LINGO2: variants seen among roughly 807,000 people sequenced by gnomAD.
LINGO2 encodes the protein leucine rich repeat and Ig domain containing 2.
Under a neutral mutation model 30.6 loss-of-function variants are expected in LINGO2, and 14 were observed. The observed-to-expected ratio is 0.46, with a 90% CI of 0.30 to 0.72. LINGO2 has a LOEUF of 0.72. Ranked by LOEUF, LINGO2 falls within the 30% of genes least tolerant of loss-of-function variation. The probability of loss-of-function intolerance (pLI) is 0.07; values close to 1 mark genes in which losing one functional copy is unlikely to be tolerated. For missense variants in LINGO2, 729 were observed against 751.7 expected (o/e 0.97, Z 0.35); for synonymous variants, 317 against 288.5 (o/e 1.10, Z -1.00).
intron 4 of LINGO2, among the ~76,000 whole-genome samples, chr9:28,094,617 T>C (rs910278547): frequency 6.6e-6 from 1 of 152,118 alleles, no homozygotes; most frequent in Admixed American, 6.6e-5. Flanking sequence ...ATTACAATGA[T>C]AGCATGCATT....
At chr9:29,161,350 C>T in the LINGO2 span, among the ~76,000 whole-genome samples, 1 of 152,196 alleles carries the variant, frequency 6.6e-6, no homozygotes, top group South Asian at 2.1e-4. Flanking sequence ...CACCCACTCC[C>T]CTTGGACCTC....
the LINGO2 span, among the ~76,000 whole-genome samples, chr9:29,175,844 T>C: frequency 6.6e-6 from 1 of 152,150 alleles, no homozygotes; most frequent in Non-Finnish European, 1.5e-5. Context: ...AATATTTTTT[T>C]AAAAAAGAGT....
the LINGO2 span, among the ~76,000 whole-genome samples, chr9:28,913,577 C>T: frequency 3.2e-4 from 49 of 152,072 alleles, no homozygotes; most frequent in African/African-American, 7.9e-4. Context: ...GTATAAAGAA[C>T]GCTTTAAAAT....
the LINGO2 span, among the ~76,000 whole-genome samples, chr9:29,143,124 A>G: frequency 7.2e-5 from 11 of 152,208 alleles, no homozygotes; most frequent in African/African-American, 2.4e-4. Context: ...ACTACAAAAC[A>G]TTTCTGAAAT....
the LINGO2 span, among the ~76,000 whole-genome samples, chr9:28,991,341 G>C: frequency 2.6e-5 from 4 of 151,492 alleles, no homozygotes; most frequent in Admixed American, 1.3e-4. Context: ...AACGAACAAA[G>C]CCTCCAAGAA....
chr9:28,076,142 C>T (rs1444506852), intron 4 of LINGO2, among the ~76,000 whole-genome samples: 1 of 152,092 alleles, frequency 6.6e-6, no homozygotes, highest in African/African-American at 2.4e-5. Flanking sequence ...TCTGGTACCA[C>T]AATTCACCCC....
At chr9:28,342,225 T>G (rs546065964) in intron 3 of LINGO2, among the ~76,000 whole-genome samples, 207 of 152,280 alleles carry the variant, frequency 1.4e-3, no homozygotes, top group African/African-American at 4.8e-3. Context: ...TTGCCTGCTG[T>G]GTTTCAACCC....
intron 4 of LINGO2, among the ~76,000 whole-genome samples, chr9:28,068,918 G>A (rs900092405): frequency 1.1e-4 from 16 of 152,222 alleles, no homozygotes; most frequent in African/African-American, 3.9e-4. Context: ...TGCAGATACA[G>A]CAGTGAACAA....
intron 2 of LINGO2, among the ~76,000 whole-genome samples, chr9:28,374,438 T>C (rs1047850970): frequency 5.9e-5 from 9 of 151,942 alleles, no homozygotes; most frequent in Admixed American, 1.3e-4. Context: ...CAAAAATAAA[T>C]GCAAAAATTA....
intron 1 of LINGO2, among the ~76,000 whole-genome samples, chr9:28,500,642 A>T (rs1819845788): frequency 6.6e-6 from 1 of 152,158 alleles, no homozygotes; most frequent in Non-Finnish European, 1.5e-5. Context: ...AGGCAGGAAG[A>T]GTATACGTCA....
chr9:28,215,332 C>T (rs186709054), intron 4 of LINGO2, among the ~76,000 whole-genome samples: 55 of 151,674 alleles, frequency 3.6e-4, no homozygotes, highest in Non-Finnish European at 6.2e-4. Flanking sequence ...TAAAGTGTAT[C>T]TTATAAATTA....
At chr9:28,615,988 T>A (rs981569416) in intron 1 of LINGO2, among the ~76,000 whole-genome samples, 3 of 152,118 alleles carry the variant, frequency 2.0e-5, no homozygotes, top group Non-Finnish European at 2.9e-5. Context: ...GGAGTCAAAA[T>A]AGTAATTATA....
At chr9:28,086,661 GA>G (rs5897270) in intron 4 of LINGO2, among the ~76,000 whole-genome samples, 3 of 150,644 alleles carry the variant, frequency 2.0e-5, no homozygotes, top group East Asian at 2.0e-4. Flanking sequence ...AATTTTTAAA[GA>G]AAAAAAAACA....
At chr9:28,397,879 A>T (rs1308438046) in intron 2 of LINGO2, among the ~76,000 whole-genome samples, 1 of 152,094 alleles carries the variant, frequency 6.6e-6, no homozygotes, top group African/African-American at 2.4e-5. Context: ...CTCCCATCTA[A>T]CTGCAAATAT....
intron 1 of LINGO2, among the ~76,000 whole-genome samples, chr9:28,564,285 T>G (rs1240118659): frequency 6.6e-6 from 1 of 152,108 alleles, no homozygotes; most frequent in Non-Finnish European, 1.5e-5. Flanking sequence ...ATAGGTAGTC[T>G]CCTAAGATTA....
chr9:28,844,265 G>C, the LINGO2 span, among the ~76,000 whole-genome samples: 1 of 151,804 alleles, frequency 6.6e-6, no homozygotes, highest in South Asian at 2.1e-4. Flanking sequence ...AGGAGGCTGA[G>C]GCAGGAGAAT....
Position 28,238,778 on chromosome 9 carries a change from A to G in LINGO2, c.-87+56430T>C, listed in dbSNP as rs1181498273. On this transcript the variant is annotated intron_variant, in intron 4 of 5. Transcript: ENST00000379992. ...AACCAAATCCAAAATTAGTAGAAGA[A>G]ATACTAAAAATAAGAACAGAAATAA... Among the ~76,000 whole-genome samples the G allele has an allele frequency of 4.6e-5, 7 of 151,100 alleles. No individual in the cohort carries two copies. In the East Asian group the frequency reaches 1.4e-3, roughly 29 times the overall value.
chr9:29,054,084 C>T, the LINGO2 span, among the ~76,000 whole-genome samples: 115 of 152,118 alleles, frequency 7.6e-4, 1 homozygote, highest in South Asian at 0.021. Context: ...TACATATGTA[C>T]GGACTATGGT....
intron 4 of LINGO2, among the ~76,000 whole-genome samples, chr9:28,089,959 T>A (rs948719170): frequency 2.0e-5 from 3 of 151,924 alleles, no homozygotes; most frequent in Non-Finnish European, 4.4e-5. Flanking sequence ...AACTAGAAAA[T>A]CTACAAGAAA....
Sources: allele counts gnomAD v4.1 joint callset (sites outside exome capture counted in the v4.1 genomes callset), GRCh38; gene constraint gnomAD v4.1.1; transcripts MANE v1.5; gene names NCBI Gene and HGNC (gene_info 2026-07-23, HGNC 2026-07-21).